HSPA12A: variants seen among roughly 807,000 people sequenced by gnomAD.
HSPA12A encodes the protein heat shock protein family A (Hsp70) member 12A.
A neutral mutation model predicts 69.2 loss-of-function variants in HSPA12A; 28 were observed. That is an observed-to-expected ratio of 0.40 (90% confidence interval 0.30 to 0.55). The LOEUF is 0.55. Ranked by LOEUF, HSPA12A falls within the 20% of genes least tolerant of loss-of-function variation. The pLI is 0.38. For missense variants in HSPA12A, 686 were observed against 900.7 expected (o/e 0.76, Z 3.05); for synonymous variants, 345 against 370.5 (o/e 0.93, Z 0.79).
At chr10:116,811,284 TGA>T (rs1845176327) in intron 2 of HSPA12A, among the ~76,000 whole-genome samples, 1 of 152,096 alleles carries the variant, frequency 6.6e-6, no homozygotes, top group South Asian at 2.1e-4. Flanking sequence ...CAGAGGGAGC[TGA>T]GAGAGACTGA....
At chr10:116,814,663 G>A (rs1845262423) in intron 2 of HSPA12A, among the ~76,000 whole-genome samples, 2 of 152,174 alleles carry the variant, frequency 1.3e-5, no homozygotes, top group South Asian at 4.1e-4. Context: ...CAGGACTTGG[G>A]CCAGACTAGA....
intron 1 of HSPA12A, among the ~76,000 whole-genome samples, chr10:116,732,847 G>C (rs1019236898): frequency 2.6e-5 from 4 of 152,332 alleles, no homozygotes; most frequent in African/African-American, 9.6e-5. Context: ...CCATTGCGGA[G>C]TTCAGCTGGA....
Position 116,819,385 on chromosome 10 carries a change from T to C in HSPA12A, c.91+15550A>G, listed in dbSNP as rs998225267. Among the ~76,000 whole-genome samples the C allele has an allele frequency of 4.6e-5, 7 of 152,190 alleles. No individual in the cohort carries two copies. In the East Asian group the frequency reaches 5.8e-4, roughly 13 times the overall value. ...TCTGAGTCTTTGTGTCCCTGCAAAA[T>C]TCCTATGTTGAAATCTAATTCCCAG... is the stretch of plus-strand genomic sequence containing the variant. On this transcript the variant is annotated intron_variant, in intron 2 of 12. Transcript: ENST00000635765.
chr10:116,790,767 T>C lies in HSPA12A; in HGVS notation c.91+44168A>G, dbSNP rs549190972. Among the ~76,000 whole-genome samples the C allele has an allele frequency of 4.3e-3, 658 of 152,264 alleles. 7 individuals carry two copies. Among genetic ancestry groups the C allele is most frequent in the African/African-American group, 0.015 (627 of 41,558 alleles). On this transcript the variant is annotated intron_variant, in intron 2 of 12. Transcript: ENST00000635765. ...GTGCAGTGGCATGATCTTGGCTCAC[T>C]GCAACCTTTGCCTCCCAGGTTCAAG...
intron 2 of HSPA12A, among the ~76,000 whole-genome samples, chr10:116,821,466 C>T (rs1589725688): frequency 6.6e-6 from 1 of 152,318 alleles, no homozygotes; most frequent in Non-Finnish European, 1.5e-5. Flanking sequence ...TTTTAAATTC[C>T]AACCTCATTT....
chr10:116,796,145 C>CAAAAAAAAAAAAAA (rs10522145), intron 2 of HSPA12A, among the ~76,000 whole-genome samples: 3 of 110,692 alleles, frequency 2.7e-5, no homozygotes, highest in Non-Finnish European at 3.4e-5. Flanking sequence ...AAGACTCCAT[C>CAAAAAAAAAAAAAA]AAAAAAAAAA....
chr10:116,741,595 G>A (rs1364986421), intron 1 of HSPA12A, among the ~76,000 whole-genome samples: 1 of 152,162 alleles, frequency 6.6e-6, no homozygotes, highest in African/African-American at 2.4e-5. Context: ...CGGGCCCTCC[G>A]TGGGAGAAGC....
At chr10:116,763,900 A>T (rs1230009678) in intron 2 of HSPA12A, among the ~76,000 whole-genome samples, 1 of 152,198 alleles carries the variant, frequency 6.6e-6, no homozygotes, top group African/African-American at 2.4e-5. Context: ...GTGGAGAAAG[A>T]AAAAGCATGA....
chr10:116,833,120 TTAACA>T (rs1202691939), intron 2 of HSPA12A: 1 of 152,224 alleles, frequency 6.6e-6, no homozygotes, highest in African/African-American at 2.4e-5. Flanking sequence ...TCCCTTTAGT[TTAACA>T]CAACACTGGC....
intron 1 of HSPA12A, among the ~76,000 whole-genome samples, chr10:116,729,583 T>G (rs960807726): frequency 5.9e-5 from 9 of 152,170 alleles, no homozygotes; most frequent in African/African-American, 1.4e-4. Flanking sequence ...AACAGTCAAT[T>G]AACACATTAT....
chr10:116,774,213 T>C lies in HSPA12A; in HGVS notation c.91+60722A>G, dbSNP rs545902780. ...TTTAGTAGAGACGGGGTTTCACCGT[T>C]TTAGCCGGGATGGTCTCGATCTCCT... On this transcript the variant is annotated intron_variant, in intron 2 of 12. Coordinates refer to the HSPA12A transcript ENST00000635765. Among the ~76,000 whole-genome samples, 12 of 152,086 alleles carry C rather than the reference T, an allele frequency of 7.9e-5. No individual in the cohort carries two copies. The East Asian group carries it at 2.3e-3, about 29-fold the overall frequency.
At position 116,710,376 on chromosome 10, in the gene HSPA12A, G is replaced by A. The variant is rs566677098; in HGVS notation, c.41-3091C>T. The stretch of plus-strand genomic sequence containing the variant: ...AAACTATCCACCCCGCTGCTGCTTG[G>A]TCCTAATTATCCCATCACTCAGCCC... On this transcript the variant is annotated intron_variant, in intron 1 of 11. Transcript: ENST00000369209. This position sits in a 1 kb window ranked among gnomAD's most constrained non-coding sequence, Gnocchi z 4.1. 6.6e-6 allele frequency among the ~76,000 whole-genome samples: 1 copy of A among 152,142 alleles called. No individual in the cohort carries two copies. Among genetic ancestry groups the A allele is most frequent in the African/African-American group, 2.4e-5 (1 of 41,426 alleles).
chr10:116,760,907 A>G (rs1843954225), intron 2 of HSPA12A, among the ~76,000 whole-genome samples: 1 of 152,214 alleles, frequency 6.6e-6, no homozygotes, highest in Admixed American at 6.5e-5. Context: ...GGTTTCTAGG[A>G]TAACAACGGA....
chr10:116,676,676 G>A (rs1849247542), intron 10 of HSPA12A, among the ~76,000 whole-genome samples, 174 bp from the exon 11 acceptor site: 1 of 152,208 alleles, frequency 6.6e-6, no homozygotes. Context: ...TGGACCCTTA[G>A]AAGCTCAAAA....
At position 116,826,152 on chromosome 10, in the gene HSPA12A, C is replaced by T. The variant is rs192438474; in HGVS notation, c.91+8783G>A. 5.0e-3 allele frequency among the ~76,000 whole-genome samples: 765 copies of T among 152,230 alleles called. 3 individuals are homozygous for T. The highest frequency in any genetic ancestry group is 8.1e-3 in the Non-Finnish European group (550 of 68,010). On this transcript the variant is annotated intron_variant, in intron 2 of 12. Coordinates refer to the HSPA12A transcript ENST00000635765. Reference sequence around the variant, plus strand: ...ATGCACCTTCACAGCTCAGCTTTCCCGTCACCTCCCAGGGAAGCCTCCCCC... The same window carrying T: ...ATGCACCTTCACAGCTCAGCTTTCCTGTCACCTCCCAGGGAAGCCTCCCCC...
At chr10:116,695,859 T>G (rs1849880390) in intron 5 of HSPA12A, among the ~76,000 whole-genome samples, 1 of 147,648 alleles carries the variant, frequency 6.8e-6, no homozygotes, top group African/African-American at 2.5e-5. Flanking sequence ...AAAAATTAGC[T>G]GGGCATGGTG....
At chr10:116,793,244 AAAC>A (rs1399279172) in intron 2 of HSPA12A, among the ~76,000 whole-genome samples, 98 of 152,372 alleles carry the variant, frequency 6.4e-4, no homozygotes, top group Middle Eastern at 3.4e-3. Context: ...TAACTGCATA[AAAC>A]AACAATGATA....
chr10:116,841,449 T>C (rs1157121227), intron 1 of HSPA12A, among the ~76,000 whole-genome samples: 1 of 152,196 alleles, frequency 6.6e-6, no homozygotes, highest in African/African-American at 2.4e-5. Context: ...CAAAATATAA[T>C]AATTACATTA....
chr10:116,778,772 C>T (rs1356292339), intron 2 of HSPA12A, among the ~76,000 whole-genome samples: 1 of 152,006 alleles, frequency 6.6e-6, no homozygotes, highest in African/African-American at 2.4e-5. Context: ...AAAAATAAAA[C>T]AAAATAAAAT....
Sources: gnomAD v4.1 joint callset for allele counts (sites outside exome capture counted in the v4.1 genomes callset) on GRCh38, gnomAD v4.1.1 for gene constraint, Gnocchi (gnomAD v3.1) non-coding constraint, MANE v1.5 for transcripts, NCBI Gene and HGNC (gene_info 2026-07-23, HGNC 2026-07-21) for gene names.